Variants in NEB observed in about 807,000 individuals in gnomAD.
The protein encoded by NEB is nemaline myopathy type 2.
A neutral mutation model predicts 952.2 loss-of-function variants in NEB; 512 were observed. The observed-to-expected ratio is 0.54, with a 90% CI of 0.50 to 0.58. The LOEUF (loss-of-function observed/expected upper bound fraction) is 0.58, where lower values mean the gene tolerates loss of function less well. NEB is among the 20% of genes least tolerant of loss of function. The pLI is 0.00. For missense variants in NEB, 8,428 were observed against 9,231.1 expected, an observed-to-expected ratio of 0.91 and a Z score of 3.56; for synonymous variants, 2,900 against 3,149.8, an observed-to-expected ratio of 0.92 and a Z score of 2.66.
chr2:151,551,174 G>A (rs1002065391), intron 129 of NEB, among the ~76,000 whole-genome samples: 2 of 151,754 alleles, frequency 1.3e-5, no homozygotes, highest in Admixed American at 6.6e-5. Flanking sequence ...TCACCATGTT[G>A]GCCAGGCTGG....
At chr2:151,533,966 A>C (rs921143394) in intron 142 of NEB, among the ~76,000 whole-genome samples, 3 of 152,214 alleles carry the variant, frequency 2.0e-5, no homozygotes, top group African/African-American at 7.2e-5. Context: ...GGTTCTCCAG[A>C]AGAGTAAAGG....
chr2:151,545,997 G>C lies in NEB; in HGVS notation c.20468C>G (p.Ser6823Cys). The change falls in exon 135 of 182, where the codon TCT becomes TGT. Residue 6823 changes from serine to cysteine, a missense_variant and splice_region_variant. This residue lies in a region of NEB where 3,374 missense variants were observed against 3,651.5 expected (regional missense o/e 0.92). Coordinates refer to ENST00000397345, the MANE Select transcript of NEB (RefSeq NM_001164508.2). ...VRSRHLRKLW[S>C]NYLYTDKARK... ...TGCCTTATCAGTGTATAGGTAATTA[G>C]ACTTAAAAAAAAAAAAAAAAACAGA... is the stretch of plus-strand genomic sequence containing the variant. 12 of 1,042,196 alleles carry C rather than the reference G, an allele frequency of 1.2e-5. No homozygotes were observed. The highest frequency in any genetic ancestry group is 1.5e-5 in the Non-Finnish European group (11 of 730,984). 64.6% of individuals were successfully genotyped at this position (1,042,196 alleles called of 1,614,324 possible).
rs764301797 is a variant in NEB at position 151,546,401 on chromosome 2, A to G, written c.20410T>C (p.Cys6804Arg). The G allele has an allele frequency of 6.2e-7, 1 of 1,613,682 alleles. No individual in the cohort carries two copies. Among genetic ancestry groups the G allele is most frequent in the South Asian group, 1.1e-5 (1 of 91,062 alleles). The change falls in exon 134 of 182, where the codon TGC becomes CGC. Residue 6804 changes from cysteine (C) to arginine (R), a missense_variant. Transcript: ENST00000397345. ...EDLQVLKGFG[C>R]FLYDTPDMVR... ...ATGTCAGGAGTGTCATACAGGAAGCAGCCAAATCCCTTCAGGACCTGCAAG... is the reference window on the plus strand; with the variant it reads ...ATGTCAGGAGTGTCATACAGGAAGCGGCCAAATCCCTTCAGGACCTGCAAG...
intron 13 of NEB, among the ~76,000 whole-genome samples, chr2:151,702,327 A>G (rs1044016506): frequency 7.9e-5 from 12 of 152,168 alleles, no homozygotes; most frequent in African/African-American, 2.9e-4. Flanking sequence ...TGGTGCTGAA[A>G]AAAATGTATA....
intron 10 of NEB, among the ~76,000 whole-genome samples, chr2:151,711,984 A>G (rs560271695): frequency 6.6e-6 from 1 of 152,314 alleles, no homozygotes; most frequent in South Asian, 2.1e-4. Context: ...AGTCAATAAA[A>G]TTGATTTCTG....
chr2:151,663,723 T>C lies in NEB; in HGVS notation c.5588A>G (p.Glu1863Gly). Residue 1863 changes from glutamate (E) to glycine (G), a missense_variant, in exon 45 of 182, where the codon GAG (glutamate) becomes GGG (glycine). Glu to Gly is a moderately conservative substitution (Grantham distance 98). Around this residue, in one of 11 missense-constraint regions of NEB, gnomAD observed 2,851 missense variants for 2,791.5 expected, o/e 1.02. Transcript: ENST00000397345. Reference protein sequence around the residue: ...QSDREYKKGYEKSKTSFHTPV... With the variant: ...QSDREYKKGYGKSKTSFHTPV... Reference sequence around the variant, plus strand: ...GGTGTGGAAGGAGGTCTTGGATTTCTCATATCCCTTCTTGTATTCCCGGTC... The same window carrying C: ...GGTGTGGAAGGAGGTCTTGGATTTCCCATATCCCTTCTTGTATTCCCGGTC... 1 of 1,613,798 alleles carries C rather than the reference T, an allele frequency of 6.2e-7. No homozygotes were observed. The highest frequency in any genetic ancestry group is 8.5e-7 in the Non-Finnish European group (1 of 1,179,792).
At chr2:151,692,543 T>C (rs1361475086) in intron 20 of NEB, 181 bp from the exon 21 acceptor site, 1 of 645,066 alleles carries the variant, frequency 1.6e-6, no homozygotes, top group East Asian at 2.8e-5. Flanking sequence ...TTATATAATC[T>C]CATCTGCTAA....
At chr2:151,648,622 G>A (rs776691272) in intron 54 of NEB, among the ~76,000 whole-genome samples, 2 of 152,124 alleles carry the variant, frequency 1.3e-5, no homozygotes, top group Non-Finnish European at 2.9e-5. Flanking sequence ...CTTTGTTGTG[G>A]GGGCTGCCCC....
chr2:151,550,298 T>C (rs1017613795), intron 129 of NEB, among the ~76,000 whole-genome samples: 25 of 147,434 alleles, frequency 1.7e-4, no homozygotes, highest in Admixed American at 8.7e-4. Flanking sequence ...AAACACTAAT[T>C]CCTCTGTGCT....
intron 52 of NEB, among the ~76,000 whole-genome samples, chr2:151,653,044 G>A (rs2099048359): frequency 2.0e-5 from 3 of 152,144 alleles, no homozygotes; most frequent in Non-Finnish European, 4.4e-5. Flanking sequence ...CAGAAATTAA[G>A]TGAATTAAAT....
chr2:151,498,891 T>TAAAAA (rs66881625), intron 169 of NEB, among the ~76,000 whole-genome samples: 2,297 of 150,250 alleles, frequency 0.015, 52 homozygotes, highest in African/African-American at 0.046. Flanking sequence ...GATAAGGTGC[T>TAAAAA]AAAAAAAAGA....
At chr2:151,682,289 A>G (rs554253941) in intron 29 of NEB, among the ~76,000 whole-genome samples, 1 of 152,298 alleles carries the variant, frequency 6.6e-6, no homozygotes, top group East Asian at 1.9e-4. Context: ...CAATTATATG[A>G]ATTTATTAAA....
At chr2:151,495,535 T>A (rs552318393) in intron 173 of NEB, among the ~76,000 whole-genome samples, 22 of 152,334 alleles carry the variant, frequency 1.4e-4, no homozygotes, top group Middle Eastern at 3.4e-3. Context: ...GGTTGTTTGC[T>A]ACTGAAAGCT....
At chr2:151,516,617 C>T in intron 156 of NEB, 54 bp from the exon 157 acceptor site, 2 of 1,153,592 alleles carry the variant, frequency 1.7e-6, no homozygotes, top group Non-Finnish European at 1.3e-6. Flanking sequence ...TCCTAGACAG[C>T]AGTTTAAGGA....
chr2:151,514,580 G>C (rs2076582585), intron 158 of NEB, among the ~76,000 whole-genome samples, 152 bp from the exon 159 acceptor site: 1 of 152,210 alleles, frequency 6.6e-6, no homozygotes, highest in Non-Finnish European at 1.5e-5. Context: ...AGCATGATCA[G>C]TTAACATTAA....
chr2:151,578,953 T>C (rs1463057869), intron 105 of NEB, among the ~76,000 whole-genome samples: 2 of 151,274 alleles, frequency 1.3e-5, no homozygotes, highest in African/African-American at 4.9e-5. Context: ...GTGGTGCACA[T>C]GCCTGTAATC....
intron 41 of NEB, 38 bp downstream of exon 41, chr2:151,666,052 C>G (rs1575589587): frequency 1.3e-6 from 2 of 1,566,920 alleles, no homozygotes; most frequent in Admixed American, 1.7e-5. Flanking sequence ...TCCTCCCACC[C>G]ATTAGAAATG....
intron 76 of NEB, among the ~76,000 whole-genome samples, chr2:151,615,582 TAGA>T (rs1407116205): frequency 2.0e-5 from 3 of 152,288 alleles, no homozygotes; most frequent in African/African-American, 4.8e-5. Context: ...CAAGAATAAA[TAGA>T]AGTAGTAAGG....
At chr2:151,637,624 C>G (rs190190974) in intron 63 of NEB, among the ~76,000 whole-genome samples, 1 of 152,080 alleles carries the variant, frequency 6.6e-6, no homozygotes. Context: ...GCCGAGTAGC[C>G]GCACTAACAC....
Sources: gnomAD v4.1 joint callset for allele counts (sites outside exome capture counted in the v4.1 genomes callset) on GRCh38, gnomAD v4.1.1 for gene constraint, gnomAD v4.1.1 regional missense constraint, MANE v1.5 for transcripts, NCBI Gene and HGNC (gene_info 2026-07-23, HGNC 2026-07-21) for gene names.